CFAP299: variants seen among roughly 807,000 people sequenced by gnomAD.
CFAP299 encodes the protein cilia and flagella associated protein 299, also known as cilia- and flagella-associated protein 299.
A neutral mutation model predicts 27.0 loss-of-function variants in CFAP299; 21 were observed. That is an observed-to-expected ratio of 0.78 (90% CI 0.55 to 1.12). The LOEUF is 1.12. CFAP299 is among the 50% of genes most tolerant of loss of function. CFAP299 has a pLI of 0.00. For missense variants in CFAP299, 310 were observed against 276.6 expected (o/e 1.12, Z -0.86); for synonymous variants, 104 against 98.1 (o/e 1.06, Z -0.36).
chr4:80,913,773 A>G lies in CFAP299; in HGVS notation c.477-31037A>G, dbSNP rs368436033. ...TTCATGAGCTTTGGCTAATGTGTAC[A>G]GTAATCTACACACCGCCACAATTAA... On this transcript the variant is annotated intron_variant, in intron 4 of 5. Coordinates refer to ENST00000358105, the MANE Select transcript of CFAP299 (RefSeq NM_152770.3). Among the ~76,000 whole-genome samples the G allele has an allele frequency of 1.8e-4, 27 of 152,260 alleles. No homozygotes were observed. The South Asian group carries it at 5.0e-3, about 28-fold the overall frequency.
chr4:80,590,644 CA>C (rs2109883984), intron 3 of CFAP299, among the ~76,000 whole-genome samples: 1 of 152,088 alleles, frequency 6.6e-6, no homozygotes, highest in Non-Finnish European at 1.5e-5. Context: ...TCTCAGAAAA[CA>C]AAACAAAACC....
chr4:80,472,536 A>G (rs748434215), intron 2 of CFAP299, among the ~76,000 whole-genome samples: 2 of 152,136 alleles, frequency 1.3e-5, no homozygotes, highest in Non-Finnish European at 2.9e-5. Context: ...CTGGGTCTCT[A>G]TTGACTTCAA....
At chr4:80,580,743 A>C (rs1736121506) in intron 2 of CFAP299, among the ~76,000 whole-genome samples, 1 of 151,988 alleles carries the variant, frequency 6.6e-6, no homozygotes. Context: ...ATTTACTAAA[A>C]ATTCCTAGAC....
intron 2 of CFAP299, among the ~76,000 whole-genome samples, chr4:80,561,365 G>A (rs1356453440): frequency 6.6e-6 from 1 of 152,144 alleles, no homozygotes; most frequent in Non-Finnish European, 1.5e-5. Flanking sequence ...AGCCCAGATA[G>A]TGAAGGCTGC....
chr4:80,944,690 T>C, intron 4 of CFAP299, 120 bp from the exon 5 acceptor site: 1 of 684,514 alleles, frequency 1.5e-6, no homozygotes, highest in East Asian at 2.8e-5. Flanking sequence ...TCTACATGGT[T>C]GTATGGCATG....
chr4:80,961,099 A>G (rs1231392892), intron 5 of CFAP299, among the ~76,000 whole-genome samples: 2 of 146,624 alleles, frequency 1.4e-5, no homozygotes, highest in African/African-American at 2.5e-5. Flanking sequence ...TTGTTAAAAG[A>G]AAAAAAAAAC....
intron 3 of CFAP299, among the ~76,000 whole-genome samples, chr4:80,646,304 T>C (rs929119299): frequency 1.3e-5 from 2 of 152,208 alleles, no homozygotes; most frequent in African/African-American, 4.8e-5. Flanking sequence ...AGATGTGATA[T>C]TTAGTCAGCC....
chr4:80,870,088 C>T lies in CFAP299; in HGVS notation c.429C>T (p.Val143=), dbSNP rs367970905. ...AHRLKTEDFE[V]YFTGKKRLLP... ...GGCTAAAGACGGAAGATTTTGAAGT[C>T]TACTTTACTGGAAAAAAAAGACTTC... is the stretch of plus-strand genomic sequence containing the variant. Residue 143 remains valine (V), a synonymous_variant, in exon 4 of 6, where the codon GTC becomes GTT. Transcript: ENST00000358105. 1.2e-6 allele frequency: 2 copies of T among 1,613,310 alleles called. No individual in the cohort carries two copies. Among genetic ancestry groups the T allele is most frequent in the Non-Finnish European group, 1.7e-6 (2 of 1,179,586 alleles).
chr4:80,469,677 T>C lies in CFAP299; in HGVS notation c.242+106793T>C, dbSNP rs1294351004. Among the ~76,000 whole-genome samples the C allele has an allele frequency of 2.6e-5, 4 of 152,242 alleles. No individual in the cohort carries two copies. In the East Asian group the frequency reaches 7.7e-4, roughly 29 times the overall value. On this transcript the variant is annotated intron_variant, in intron 2 of 5. Transcript: ENST00000358105. ...TTTAAGAGTGTAATGCCAGAATAAA[T>C]GTCTTATAGCTCAAGAAAAAGGTAT...
intron 3 of CFAP299, among the ~76,000 whole-genome samples, chr4:80,839,086 A>T (rs1730724149): frequency 6.6e-6 from 1 of 152,062 alleles, no homozygotes; most frequent in African/African-American, 2.4e-5. Context: ...TGAATTGTTT[A>T]TTGCCTTTTA....
At chr4:80,847,520 A>T (rs1731252231) in intron 3 of CFAP299, among the ~76,000 whole-genome samples, 3 of 152,118 alleles carry the variant, frequency 2.0e-5, no homozygotes, top group Admixed American at 2.0e-4. Flanking sequence ...CCTTGTGGTG[A>T]CCCTACATGC....
intron 3 of CFAP299, among the ~76,000 whole-genome samples, chr4:80,652,682 G>A (rs533162796): frequency 1.3e-5 from 2 of 151,940 alleles, no homozygotes; most frequent in Admixed American, 6.6e-5. Flanking sequence ...TCCCTTCCTG[G>A]TCATTTTCTC....
At chr4:80,644,576 A>G (rs1338845423) in intron 3 of CFAP299, among the ~76,000 whole-genome samples, 1 of 152,196 alleles carries the variant, frequency 6.6e-6, no homozygotes, top group Admixed American at 6.6e-5. Context: ...GCCTCTTTCT[A>G]TGTCCCTGTG....
At chr4:80,459,282 A>T (rs1429415426) in intron 2 of CFAP299, among the ~76,000 whole-genome samples, 2 of 152,198 alleles carry the variant, frequency 1.3e-5, no homozygotes, top group Admixed American at 6.5e-5. Context: ...GAGTCACTGC[A>T]TCCAGCCAGG....
rs1030366041 is a variant in CFAP299, at chr4:80,676,123, C to G, written c.333+92940C>G. Among the ~76,000 whole-genome samples, 7 of 152,216 alleles carry G rather than the reference C, an allele frequency of 4.6e-5. No homozygotes were observed. The East Asian group carries it at 1.3e-3, about 29-fold the overall frequency. On this transcript the variant is annotated intron_variant, in intron 3 of 5. Transcript: ENST00000358105. The stretch of plus-strand genomic sequence containing the variant: ...AGAAATCACTGTCTTCTGCATCAAT[C>G]ACACTGGGAGCTGCAGACCCAAGCT...
intron 3 of CFAP299, among the ~76,000 whole-genome samples, chr4:80,804,427 C>T (rs946349727): frequency 3.3e-5 from 5 of 152,054 alleles, no homozygotes; most frequent in Non-Finnish European, 7.4e-5. Flanking sequence ...CCTCAAGGTG[C>T]ATTAATGTTG....
intron 3 of CFAP299, among the ~76,000 whole-genome samples, chr4:80,712,256 T>G (rs1392307740): frequency 6.6e-6 from 1 of 152,306 alleles, no homozygotes; most frequent in East Asian, 1.9e-4. Context: ...ATCTGCTCCT[T>G]AAATACCATC....
chr4:80,854,730 C>T (rs186275027), intron 3 of CFAP299, among the ~76,000 whole-genome samples: 4 of 135,546 alleles, frequency 3.0e-5, no homozygotes, highest in Admixed American at 1.7e-4. Context: ...AAATTGGGAG[C>T]GTGGGCGTTT....
the CFAP299 span, among the ~76,000 whole-genome samples, chr4:80,329,203 G>GTA: frequency 2.6e-5 from 1 of 38,284 alleles, no homozygotes; most frequent in South Asian, 1.4e-3. Context: ...GCAGTACACT[G>GTA]TATACATATA....
Sources: allele counts gnomAD v4.1 joint callset (sites outside exome capture counted in the v4.1 genomes callset), GRCh38; gene constraint gnomAD v4.1.1; transcripts MANE v1.5; gene names NCBI Gene and HGNC (gene_info 2026-07-23, HGNC 2026-07-21).